Variants in ERICH3 observed in about 807,000 individuals in gnomAD.
The protein encoded by ERICH3 is glutamate rich 3.
In ERICH3, 126 loss-of-function variants were observed where a neutral mutation model predicts 131.1. The observed-to-expected ratio is 0.96, with a 90% CI of 0.83 to 1.11. ERICH3 has a LOEUF of 1.11. Ranked by LOEUF, ERICH3 falls within the 50% of genes most tolerant of loss-of-function variation. The pLI is 0.00. For missense variants in ERICH3, 2,050 were observed against 1,810.7 expected, an observed-to-expected ratio of 1.13 and a Z score of -2.40; for synonymous variants, 695 against 644.6, an observed-to-expected ratio of 1.08 and a Z score of -1.18.
chr1:74,655,932 T>A (rs1484696163), intron 1 of ERICH3, among the ~76,000 whole-genome samples: 3 of 152,172 alleles, frequency 2.0e-5, no homozygotes, highest in African/African-American at 7.2e-5. Context: ...CAAGATGCCA[T>A]CATCTGGTGA....
intron 1 of ERICH3, among the ~76,000 whole-genome samples, chr1:74,669,448 A>G (rs1363692351): frequency 1.3e-5 from 2 of 152,150 alleles, no homozygotes; most frequent in East Asian, 3.9e-4. Context: ...GAGACATATC[A>G]TTTTATCCTC....
At chr1:74,642,249 C>T (rs1264850868) in intron 4 of ERICH3, among the ~76,000 whole-genome samples, 2 of 152,040 alleles carry the variant, frequency 1.3e-5, no homozygotes, top group African/African-American at 4.8e-5. Context: ...GACCTGAGTC[C>T]ATCAGGCAAG....
intron 7 of ERICH3, 91 bp downstream of exon 7, chr1:74,631,622 C>T: frequency 1.9e-6 from 2 of 1,076,326 alleles, no homozygotes; most frequent in Non-Finnish European, 2.7e-6. Flanking sequence ...CATGCAATTT[C>T]CTCCAAATTC....
At position 74,571,309 on chromosome 1, in the gene ERICH3, C is replaced by G. The variant is rs1035590195; in HGVS notation, c.4401G>C (p.Glu1467Asp). Reference protein sequence around the residue: ...AATGSGDGRQETGAAEKFRLG... With the variant: ...AATGSGDGRQDTGAAEKFRLG... ...ATCGGAATTTTTCAGCTGCTCCTGT[C>G]TCCTGCCTCCCATCGCCACTCCCAG... Residue 1467 changes from glutamate to aspartate, a missense_variant, in exon 14 of 15, where the codon GAG becomes GAC. Coordinates refer to ENST00000326665, the MANE Select transcript of ERICH3 (RefSeq NM_001002912.5). The G allele has an allele frequency of 4.3e-6, 7 of 1,613,970 alleles. No individual in the cohort carries two copies. Among genetic ancestry groups the G allele is most frequent in the African/African-American group, 2.7e-5 (2 of 74,902 alleles).
intron 7 of ERICH3, chr1:74,626,197 A>G (rs1235695195): frequency 3.9e-5 from 6 of 152,320 alleles, no homozygotes; most frequent in South Asian, 4.1e-4. Context: ...TCTGATCTAG[A>G]GAACTTAGCA....
intron 1 of ERICH3, among the ~76,000 whole-genome samples, chr1:74,666,576 T>C (rs150316073): frequency 1.1e-4 from 17 of 152,316 alleles, no homozygotes; most frequent in Non-Finnish European, 2.1e-4. Context: ...TTTCCTGATA[T>C]GACAATTTGC....
intron 5 of ERICH3, among the ~76,000 whole-genome samples, chr1:74,637,819 G>A (rs567351119): frequency 1.3e-5 from 2 of 152,074 alleles, no homozygotes; most frequent in South Asian, 4.2e-4. Context: ...TCTGAGGTGG[G>A]AGGTCACCTG....
chr1:74,667,676 T>C lies in ERICH3; in HGVS notation c.23+5821A>G, dbSNP rs1179285666. On this transcript the variant is annotated intron_variant, in intron 1 of 14. Coordinates refer to ENST00000326665, the MANE Select transcript of ERICH3 (RefSeq NM_001002912.5). ...TTCCCATCTCCCTAAAAACCTAGCA[T>C]GGATTTATTAATAATCAAAATAAGT... is the stretch of plus-strand genomic sequence containing the variant. 5.3e-5 allele frequency among the ~76,000 whole-genome samples: 8 copies of C among 152,340 alleles called. No homozygotes were observed. The South Asian group carries it at 1.0e-3, about 20-fold the overall frequency.
intron 3 of ERICH3, among the ~76,000 whole-genome samples, chr1:74,646,436 C>T (rs548094689): frequency 5.9e-5 from 9 of 152,062 alleles, no homozygotes; most frequent in Admixed American, 2.0e-4. Context: ...GAAAAGCTTA[C>T]GCTAGACTTC....
chr1:74,577,241 G>T, intron 12 of ERICH3: 1 of 101,928 alleles, frequency 9.8e-6, no homozygotes, highest in East Asian at 1.4e-4. Context: ...TTCCTTAGTT[G>T]AAAGAAAAAA....
At chr1:74,654,173 G>A (rs1646562213) in intron 1 of ERICH3, among the ~76,000 whole-genome samples, 1 of 151,900 alleles carries the variant, frequency 6.6e-6, no homozygotes, top group African/African-American at 2.4e-5. Context: ...TCGTTTCTGA[G>A]TCCTCACAAG....
chr1:74,576,799 C>A, intron 13 of ERICH3, 96 bp downstream of exon 13: 2 of 1,061,650 alleles, frequency 1.9e-6, no homozygotes, highest in Non-Finnish European at 1.4e-6. Context: ...TACTAGAAAG[C>A]CTAGTGATTT....
chr1:74,648,136 G>C (rs1646501315), intron 2 of ERICH3, among the ~76,000 whole-genome samples: 1 of 152,102 alleles, frequency 6.6e-6, no homozygotes, highest in South Asian at 2.1e-4. Flanking sequence ...TGAACCTCTA[G>C]AGAAAGGCCT....
intron 5 of ERICH3, 146 bp from the exon 6 acceptor site, chr1:74,636,584 C>T: frequency 1.3e-6 from 1 of 787,802 alleles, no homozygotes; most frequent in South Asian, 2.4e-5. Flanking sequence ...TTCCATTATA[C>T]ATACCCTTAT....
At chr1:74,582,968 C>T (rs180801270) in intron 12 of ERICH3, among the ~76,000 whole-genome samples, 2 of 152,028 alleles carry the variant, frequency 1.3e-5, no homozygotes, top group African/African-American at 2.4e-5. Flanking sequence ...TTCTTTCTTT[C>T]TCTTTTCTCC....
chr1:74,579,953 G>T, intron 12 of ERICH3: 1 of 903,796 alleles, frequency 1.1e-6, no homozygotes, highest in Non-Finnish European at 1.3e-6. Flanking sequence ...ATACTTTAAG[G>T]TATTTTTTTA....
At chr1:74,635,952 G>T (rs1044987751) in intron 6 of ERICH3, among the ~76,000 whole-genome samples, 2 of 152,182 alleles carry the variant, frequency 1.3e-5, no homozygotes, top group Non-Finnish European at 2.9e-5. Context: ...TTTGGAAGAA[G>T]TCAACACTAG....
intron 7 of ERICH3, among the ~76,000 whole-genome samples, chr1:74,627,478 A>G (rs568343189): frequency 2.2e-4 from 33 of 152,276 alleles, no homozygotes; most frequent in South Asian, 4.1e-4. Flanking sequence ...GTCTAAATAT[A>G]TCACTAAACA....
At chr1:74,570,970 G>A in intron 14 of ERICH3, 129 bp downstream of exon 14, 1 of 1,252,906 alleles carries the variant, frequency 8.0e-7, no homozygotes, top group African/African-American at 1.5e-5. Flanking sequence ...AGGGCTAAGT[G>A]ACACAGAATT....
Sources: allele counts gnomAD v4.1 joint callset (sites outside exome capture counted in the v4.1 genomes callset), GRCh38; gene constraint gnomAD v4.1.1; transcripts MANE v1.5; gene names NCBI Gene and HGNC (gene_info 2026-07-23, HGNC 2026-07-21).